Variants in GTPBP1 observed in about 807,000 individuals in gnomAD.
GTPBP1 encodes GTP-binding protein 1.
A neutral mutation model predicts 62.0 loss-of-function variants in GTPBP1; 23 were observed. The observed-to-expected ratio is 0.37, with a 90% CI of 0.27 to 0.53. The LOEUF is 0.53. Among genes scored for constraint, GTPBP1 ranks in the 20% least tolerant of loss-of-function variants. The probability of loss-of-function intolerance (pLI) is 0.89; values close to 1 mark genes in which losing one functional copy is unlikely to be tolerated. For synonymous variants in GTPBP1, 344 were observed against 364.4 expected (o/e 0.94, Z 0.64); for missense variants, 640 against 917.3 (o/e 0.70, Z 3.90).
Position 38,727,066 on chromosome 22 carries a change from C to G in GTPBP1, c.1402-147C>G, listed in dbSNP as rs1252604802. On this transcript the variant is annotated intron_variant, in intron 8 of 11. Coordinates refer to ENST00000216044, the MANE Select transcript of GTPBP1 (RefSeq NM_004286.5). The surrounding 1 kb of genome is among the most constrained non-coding windows in gnomAD (Gnocchi z 6.5). The stretch of plus-strand genomic sequence containing the variant: ...CACTGAGGGTGCTCGTGCTGTCCAC[C>G]CTAGAAGGCCTGTGGTCCAGTTGGT... 1 of 701,272 alleles carries G rather than the reference C, an allele frequency of 1.4e-6. No homozygotes were observed. The allele number at this position is 701,272 out of a possible 1,614,324, so 43.4% of individuals were successfully genotyped here. A position where few individuals can be genotyped will look rare whatever the true frequency, so the allele number is the denominator to read the frequency against.
rs2092769165 is a variant in GTPBP1 at position 38,732,884 on chromosome 22, CAG to C, written c.*2181_*2182del. The C allele has an allele frequency of 6.6e-6, 1 of 152,284 alleles. No homozygotes were observed. The highest frequency in any genetic ancestry group is 6.5e-5 in the Admixed American group (1 of 15,272). The allele number at this position is 152,284 out of a possible 1,614,324, so 9.4% of individuals were successfully genotyped here. On this transcript the variant is annotated 3_prime_UTR_variant, in exon 12 of 12. Coordinates refer to ENST00000216044, the MANE Select transcript of GTPBP1 (RefSeq NM_004286.5). Reference sequence around the variant, plus strand: ...CTAACTTTTTGTATTTTAGTAGAGACAGGGTTTCGCCATGTCGGCCAGGGTGG... The same window carrying C: ...CTAACTTTTTGTATTTTAGTAGAGACGGTTTCGCCATGTCGGCCAGGGTGG...
At chr22:38,721,220 C>T (rs1315435387) in intron 4 of GTPBP1, among the ~76,000 whole-genome samples, 1 of 152,220 alleles carries the variant, frequency 6.6e-6, no homozygotes, top group East Asian at 1.9e-4. Flanking sequence ...GCTGGGATTA[C>T]AGGCATGTGC....
At chr22:38,724,488 C>A in intron 6 of GTPBP1, 77 bp downstream of exon 6, 1 of 840,408 alleles carries the variant, frequency 1.2e-6, no homozygotes, top group South Asian at 1.4e-5. Flanking sequence ...CCTGGAATGG[C>A]TGTCAGTTTG....
At chr22:38,738,279 G>C, downstream of GTPBP1, 1 of 1,609,454 alleles carries the variant, frequency 6.2e-7, no homozygotes, top group Non-Finnish European at 8.5e-7. The surrounding 1 kb of genome is among the most constrained non-coding windows in gnomAD (Gnocchi z 6.6). Context: ...CAAAGAGAGC[G>C]GAGGGAAGTG....
chr22:38,706,262 G>A, intron 1 of GTPBP1, 115 bp downstream of exon 1: 2 of 649,556 alleles, frequency 3.1e-6, no homozygotes, highest in Non-Finnish European at 4.3e-6. Context: ...GGAACGGGAA[G>A]AAGGGGCCGA....
chr22:38,738,890 G>A, downstream of GTPBP1: 1 of 1,607,330 alleles, frequency 6.2e-7, no homozygotes, highest in Non-Finnish European at 8.5e-7. The surrounding 1 kb of genome is among the most constrained non-coding windows in gnomAD (Gnocchi z 6.6). Context: ...ATGACTCGGG[G>A]TGACTGGGAG....
rs1569287347 is a variant in GTPBP1, at chr22:38,731,011, T to TGG, written c.*308_*309insGG. 1.7e-5 allele frequency: 1 copy of TGG among 60,434 alleles called. No individual in the cohort carries two copies. Among genetic ancestry groups the TGG allele is most frequent in the South Asian group, 1.9e-4 (1 of 5,248 alleles). The allele number at this position is 60,434 out of a possible 1,614,324, so 3.7% of individuals were successfully genotyped here. On this transcript the variant is annotated 3_prime_UTR_variant, in exon 12 of 12. Coordinates refer to ENST00000216044, the MANE Select transcript of GTPBP1 (RefSeq NM_004286.5). ...ATTATATGTCTCTGTCTCTCTCTATTGTGTGTGTGTGTGTGTGTGTGTGTG... is the reference window on the plus strand; with the variant it reads ...ATTATATGTCTCTGTCTCTCTCTATTGGGTGTGTGTGTGTGTGTGTGTGTGTG...
downstream of GTPBP1, chr22:38,740,523 C>T: frequency 7.4e-7 from 1 of 1,352,334 alleles, no homozygotes; most frequent in Non-Finnish European, 9.7e-7. This position sits in a 1 kb window ranked among gnomAD's most constrained non-coding sequence, Gnocchi z 4.8. Context: ...TAGTGGGCTC[C>T]CGTCAGGAGA....
intron 5 of GTPBP1, chr22:38,722,825 G>A: frequency 6.3e-7 from 1 of 1,577,672 alleles, no homozygotes; most frequent in Non-Finnish European, 8.7e-7. Flanking sequence ...AGTTTGCTGG[G>A]CAGACTTCTC....
In GTPBP1 at chr22:38,716,228, C is replaced by T. The variant is rs967244764; in HGVS notation, c.485+141C>T. 1.3e-5 allele frequency: 9 copies of T among 701,272 alleles called. No homozygotes were observed. Among genetic ancestry groups the T allele is most frequent in the African/African-American group, 5.4e-5 (3 of 55,068 alleles). 43.4% of individuals were successfully genotyped at this position (701,272 alleles called of 1,614,324 possible). A position where few individuals can be genotyped will look rare whatever the true frequency, so the allele number is the denominator to read the frequency against. ...GTCCAGGTGTCTGGAGACGTGGGCT[C>T]CTTGCTCTAATTCTGCACTTCCCTG... is the stretch of plus-strand genomic sequence containing the variant. On this transcript the variant is annotated intron_variant, in intron 3 of 11. Transcript: ENST00000216044. The surrounding 1 kb of genome is among the most constrained non-coding windows in gnomAD (Gnocchi z 5.2).
chr22:38,711,938 T>C (rs1031909385), intron 2 of GTPBP1, among the ~76,000 whole-genome samples: 2 of 152,114 alleles, frequency 1.3e-5, no homozygotes, highest in Admixed American at 6.5e-5. Context: ...TGGAGTGCAG[T>C]GGTATGATCT....
intron 2 of GTPBP1, among the ~76,000 whole-genome samples, chr22:38,711,610 G>A (rs2092640162): frequency 6.6e-6 from 1 of 152,122 alleles, no homozygotes; most frequent in South Asian, 2.1e-4. Context: ...GGGAGGCCAA[G>A]GTGGGCCAAT....
intron 5 of GTPBP1, chr22:38,723,420 C>T: frequency 1.8e-6 from 2 of 1,084,868 alleles, no homozygotes; most frequent in Non-Finnish European, 2.8e-6. Context: ...AGCTTGAGGG[C>T]TGCAGTGGCA....
chr22:38,739,140 GC>G (rs1440531990), downstream of GTPBP1: 1 of 931,618 alleles, frequency 1.1e-6, no homozygotes. This position sits in a 1 kb window ranked among gnomAD's most constrained non-coding sequence, Gnocchi z 6.7. Flanking sequence ...TTAAAGGTCA[GC>G]CTCTCCCTGG....
downstream of GTPBP1, chr22:38,740,279 G>T: frequency 6.3e-7 from 1 of 1,594,084 alleles, no homozygotes; most frequent in South Asian, 1.1e-5. This position sits in a 1 kb window ranked among gnomAD's most constrained non-coding sequence, Gnocchi z 4.8. Context: ...CGTCCCGCAC[G>T]GCCTGGATCT....
downstream of GTPBP1, chr22:38,741,350 TCAAA>T (rs2092856130): frequency 8.2e-6 from 7 of 849,552 alleles, no homozygotes; most frequent in South Asian, 6.4e-5. Flanking sequence ...GGGTCGGGGG[TCAAA>T]CAGAGAAGTC....
intron 1 of GTPBP1, among the ~76,000 whole-genome samples, chr22:38,708,040 A>AT (rs2092616343): frequency 6.6e-6 from 1 of 152,236 alleles, no homozygotes; most frequent in African/African-American, 2.4e-5. Context: ...GTAGTTTCAC[A>AT]TTTATTGAGC....
rs778049232 is a variant in GTPBP1 at position 38,715,920 on chromosome 22, T to C, written c.318T>C (p.Tyr106=). 4.3e-6 allele frequency: 7 copies of C among 1,613,252 alleles called. No individual in the cohort carries two copies. The East Asian group carries it at 1.3e-4, about 31-fold the overall frequency. The change falls in exon 3 of 12, where the codon TAT becomes TAC. Residue 106 remains tyrosine (Y), a synonymous_variant. Coordinates refer to ENST00000216044, the MANE Select transcript of GTPBP1 (RefSeq NM_004286.5). ...TCTTGTCACCAGATGGGACTGAGTA[T>C]GGGCTGAGTGAAGCTGACATGGAGG... The part of the protein sequence containing the change: ...VIGQGSDGTE[Y]GLSEADMEAS...
chr22:38,739,738 A>G, downstream of GTPBP1: 2 of 1,613,628 alleles, frequency 1.2e-6, no homozygotes, highest in Non-Finnish European at 1.7e-6. The surrounding 1 kb of genome is among the most constrained non-coding windows in gnomAD (Gnocchi z 6.7). Context: ...TGTCACTCCA[A>G]TCACACCTTC....
Sources: allele counts gnomAD v4.1 joint callset (sites outside exome capture counted in the v4.1 genomes callset), GRCh38; gene constraint gnomAD v4.1.1; non-coding constraint Gnocchi (gnomAD v3.1); transcripts MANE v1.5; gene names NCBI Gene and HGNC (gene_info 2026-07-23, HGNC 2026-07-21).